The following FAM81A variants were observed in gnomAD, a reference collection of about 807,000 sequenced individuals.
FAM81A encodes protein FAM81A.
In FAM81A, 19 loss-of-function variants were observed where a neutral mutation model predicts 46.7. The observed-to-expected ratio is 0.41, with a 90% CI of 0.28 to 0.60. The LOEUF (loss-of-function observed/expected upper bound fraction) is 0.60, where lower values mean the gene tolerates loss of function less well. Among genes scored for constraint, FAM81A ranks in the 20% least tolerant of loss-of-function variants. FAM81A has a pLI of 0.34. For missense variants in FAM81A, 377 were observed against 453.5 expected (o/e 0.83, Z 1.53); for synonymous variants, 183 against 152.9 (o/e 1.20, Z -1.45).
chr15:59,513,858 A>C (rs2082238929), intron 6 of FAM81A, among the ~76,000 whole-genome samples: 1 of 152,022 alleles, frequency 6.6e-6, no homozygotes, highest in African/African-American at 2.4e-5. Flanking sequence ...TAGATAAAGA[A>C]AATATGGTAC....
intron 1 of FAM81A, among the ~76,000 whole-genome samples, chr15:59,450,605 G>T (rs2081407419): frequency 6.6e-6 from 1 of 151,956 alleles, no homozygotes; most frequent in Non-Finnish European, 1.5e-5. Flanking sequence ...TGATGAAATG[G>T]TATCTCTGGG....
chr15:59,485,835 A>G (rs193247792), intron 3 of FAM81A, among the ~76,000 whole-genome samples: 2 of 152,368 alleles, frequency 1.3e-5, no homozygotes, highest in Non-Finnish European at 2.9e-5. Context: ...GAAATTCAAG[A>G]TAACACCGAG....
intron 2 of FAM81A, among the ~76,000 whole-genome samples, chr15:59,430,585 C>G (rs1209809254): frequency 6.6e-6 from 1 of 152,004 alleles, no homozygotes; most frequent in Non-Finnish European, 1.5e-5. Flanking sequence ...CATTTGGTAC[C>G]TAATTTGGTT....
In FAM81A at chr15:59,431,238, T is replaced by G. The variant is rs183388787; in HGVS notation, c.-77-27312T>G. ...ACAATTCCCTTTGCTATTATCTTTT[T>G]TTTTTCTTTTTTTTGAGATGGAGTC... On this transcript the variant is annotated intron_variant, in intron 2 of 4. Transcript: ENST00000558348. 5.0e-3 allele frequency among the ~76,000 whole-genome samples: 764 copies of G among 152,190 alleles called. 5 individuals carry two copies. Among genetic ancestry groups the G allele is most frequent in the African/African-American group, 0.018 (747 of 41,526 alleles).
chr15:59,427,993 T>C (rs74367744), intron 2 of FAM81A, among the ~76,000 whole-genome samples: 2,732 of 152,342 alleles, frequency 0.018, 69 homozygotes, highest in African/African-American at 0.062. Flanking sequence ...CTGTTCTCCA[T>C]AGTGGCTGTG....
chr15:59,453,746 A>T (rs1026058564), intron 1 of FAM81A, among the ~76,000 whole-genome samples: 26 of 152,120 alleles, frequency 1.7e-4, no homozygotes, highest in Non-Finnish European at 2.9e-4. Flanking sequence ...AAAAAAAAAA[A>T]TTTGGAAGAG....
intron 4 of FAM81A, among the ~76,000 whole-genome samples, chr15:59,497,609 G>C (rs1356060971): frequency 1.3e-5 from 2 of 152,110 alleles, no homozygotes; most frequent in East Asian, 3.9e-4. Context: ...TAATCCCAGG[G>C]ATTTGGGAGG....
At chr15:59,449,002 TCTAA>T (rs1310137713) in intron 1 of FAM81A, among the ~76,000 whole-genome samples, 1 of 152,226 alleles carries the variant, frequency 6.6e-6, no homozygotes, top group Non-Finnish European at 1.5e-5. Context: ...TGTGCTGTGT[TCTAA>T]CTAACTGCTC....
At chr15:59,408,246 A>G (rs1044608865) in intron 2 of FAM81A, 3 of 152,288 alleles carry the variant, frequency 2.0e-5, no homozygotes, top group Non-Finnish European at 4.4e-5. Flanking sequence ...TACCAGGCTG[A>G]TAGCAGAAAA....
At chr15:59,518,693 T>A (rs1354680293) in intron 8 of FAM81A, among the ~76,000 whole-genome samples, 1 of 152,122 alleles carries the variant, frequency 6.6e-6, no homozygotes, top group African/African-American at 2.4e-5. Flanking sequence ...TTTAATACAA[T>A]GTATCATCAA....
At position 59,482,606 on chromosome 15, in the gene FAM81A, G is replaced by A. The variant is rs930719681; in HGVS notation, c.295-9665G>A. 3.9e-5 allele frequency among the ~76,000 whole-genome samples: 6 copies of A among 152,274 alleles called. No homozygotes were observed. In the East Asian group the frequency reaches 5.8e-4, roughly 15 times the overall value. On this transcript the variant is annotated intron_variant, in intron 3 of 8. Transcript: ENST00000288228. ...ATACAGTGTATTAGGCGCTGGGCTCGTTCTCTAGCTTTGGTTTTCTGGAGA... is the reference window on the plus strand; with the variant it reads ...ATACAGTGTATTAGGCGCTGGGCTCATTCTCTAGCTTTGGTTTTCTGGAGA...
chr15:59,487,859 C>G (rs753736907), intron 3 of FAM81A, among the ~76,000 whole-genome samples: 17 of 152,150 alleles, frequency 1.1e-4, no homozygotes, highest in Non-Finnish European at 1.9e-4. Context: ...TGTAACTATT[C>G]TGAAAAGTAG....
intron 2 of FAM81A, among the ~76,000 whole-genome samples, chr15:59,405,518 G>T (rs184915179): frequency 6.6e-6 from 1 of 152,260 alleles, no homozygotes; most frequent in Non-Finnish European, 1.5e-5. Context: ...GTGCATGCCT[G>T]TAATCCCAGC....
intron 3 of FAM81A, among the ~76,000 whole-genome samples, chr15:59,491,102 T>G (rs546064411): frequency 2.0e-5 from 3 of 152,270 alleles, no homozygotes; most frequent in African/African-American, 4.8e-5. Flanking sequence ...ATGGAAGAGA[T>G]ATCTGCACTC....
intron 1 of FAM81A, among the ~76,000 whole-genome samples, chr15:59,440,477 C>T (rs2081285666): frequency 6.6e-6 from 1 of 152,200 alleles, no homozygotes; most frequent in Non-Finnish European, 1.5e-5. Context: ...GCTTCATTCT[C>T]TTCTCTGCTT....
At chr15:59,431,925 A>G (rs2081222279) in intron 2 of FAM81A, among the ~76,000 whole-genome samples, 1 of 152,198 alleles carries the variant, frequency 6.6e-6, no homozygotes, top group Non-Finnish European at 1.5e-5. Flanking sequence ...TTGCCTTGGG[A>G]AACCTGTGTG....
chr15:59,411,035 C>A (rs1240261621), intron 2 of FAM81A, among the ~76,000 whole-genome samples: 1 of 152,174 alleles, frequency 6.6e-6, no homozygotes, highest in African/African-American at 2.4e-5. Context: ...CAGAGGTGAG[C>A]CACCGCGCCA....
intron 1 of FAM81A, among the ~76,000 whole-genome samples, chr15:59,450,908 C>CA (rs1337112991): frequency 8.5e-5 from 13 of 152,342 alleles, no homozygotes; most frequent in African/African-American, 3.1e-4. Flanking sequence ...ACGTGACTGT[C>CA]AGTTGGCTGG....
At chr15:59,434,345 G>A (rs58909460), upstream of FAM81A, among the ~76,000 whole-genome samples, 2,502 of 152,234 alleles carry the variant, frequency 0.016, 60 homozygotes, top group African/African-American at 0.057. Context: ...AGATCTCTAT[G>A]GATATTATTT....
Sources: allele counts gnomAD v4.1 joint callset (sites outside exome capture counted in the v4.1 genomes callset), GRCh38; gene constraint gnomAD v4.1.1; transcripts MANE v1.5; gene names NCBI Gene and HGNC (gene_info 2026-07-23, HGNC 2026-07-21).